Variants in FAM120B observed in about 807,000 individuals in gnomAD.
FAM120B encodes the protein family with sequence similarity 120 member B.
Under a neutral mutation model 96.3 loss-of-function variants are expected in FAM120B, and 83 were observed. That is an observed-to-expected ratio of 0.86 (90% CI 0.72 to 1.03). The LOEUF is 1.03. FAM120B is among the 50% of genes least tolerant of loss of function. The probability of loss-of-function intolerance (pLI) is 0.00; values close to 1 mark genes in which losing one functional copy is unlikely to be tolerated. For missense variants in FAM120B, 1,027 were observed against 1,121.2 expected (o/e 0.92, Z 1.20); for synonymous variants, 407 against 402.7 (o/e 1.01, Z -0.13).
chr6:170,368,718 C>G (rs1788959252), intron 6 of FAM120B, among the ~76,000 whole-genome samples: 1 of 151,864 alleles, frequency 6.6e-6, no homozygotes, highest in African/African-American at 2.4e-5. Context: ...TAACAAAACA[C>G]CACGGACTGG....
At chr6:170,394,678 G>A (rs1035723098) in intron 8 of FAM120B, among the ~76,000 whole-genome samples, 2 of 139,632 alleles carry the variant, frequency 1.4e-5, no homozygotes, top group Non-Finnish European at 1.6e-5. Flanking sequence ...CGTGGACACC[G>A]CAGCATGTCA....
chr6:170,356,545 T>C (rs1787964588), intron 5 of FAM120B, among the ~76,000 whole-genome samples: 1 of 152,170 alleles, frequency 6.6e-6, no homozygotes, highest in African/African-American at 2.4e-5. Flanking sequence ...TGTGTCTTGG[T>C]ATATGTGAGG....
intron 5 of FAM120B, among the ~76,000 whole-genome samples, chr6:170,352,493 C>T (rs368579943): frequency 6.6e-6 from 1 of 152,276 alleles, no homozygotes. Context: ...CATTGCTGCT[C>T]GGCACTTACT....
At position 170,370,520 on chromosome 6, in the gene FAM120B, C is replaced by T. The variant is rs901087030; in HGVS notation, c.2283+12202C>T. 3.9e-5 allele frequency among the ~76,000 whole-genome samples: 6 copies of T among 152,112 alleles called. No individual in the cohort carries two copies. Among genetic ancestry groups the T allele is most frequent in the African/African-American group, 1.4e-4 (6 of 41,396 alleles). Reference sequence around the variant, plus strand: ...AGTCGTGCTCTGGAAGATCTGAGTTCTTTGAAGTTCTTCTGGGGGTTAAAC... The same window carrying T: ...AGTCGTGCTCTGGAAGATCTGAGTTTTTTGAAGTTCTTCTGGGGGTTAAAC... On this transcript the variant is annotated intron_variant, in intron 6 of 10. Transcript: ENST00000476287. The surrounding 1 kb of genome is among the most constrained non-coding windows in gnomAD (Gnocchi z 4.3).
At chr6:170,346,806 C>G (rs1415080594) in intron 4 of FAM120B, among the ~76,000 whole-genome samples, 3 of 151,976 alleles carry the variant, frequency 2.0e-5, no homozygotes, top group Non-Finnish European at 1.5e-5. Flanking sequence ...TGTCCCGAGA[C>G]TGCACACGTT....
intron 3 of FAM120B, among the ~76,000 whole-genome samples, chr6:170,328,941 A>C (rs569742511): frequency 1.0e-3 from 159 of 152,252 alleles, no homozygotes; most frequent in Middle Eastern, 3.4e-3. Context: ...TTTACTTTAC[A>C]GCTAGCACAG....
intron 3 of FAM120B, among the ~76,000 whole-genome samples, chr6:170,325,701 C>T (rs1480158339): frequency 6.6e-6 from 1 of 151,914 alleles, no homozygotes; most frequent in Non-Finnish European, 1.5e-5. Flanking sequence ...ATTAGCTGGG[C>T]ATGATGGCAG....
upstream of FAM120B, chr6:170,290,890 C>T (rs1014479052): frequency 2.6e-5 from 18 of 689,926 alleles, no homozygotes; most frequent in African/African-American, 3.0e-4. The surrounding 1 kb of genome is among the most constrained non-coding windows in gnomAD (Gnocchi z 4.7). Context: ...GCTCTGCCCT[C>T]GGCCGGGTCG....
chr6:170,323,989 G>C, intron 3 of FAM120B, among the ~76,000 whole-genome samples: 1 of 152,108 alleles, frequency 6.6e-6, no homozygotes, highest in Non-Finnish European at 1.5e-5. Flanking sequence ...AGAGACCTTA[G>C]GTACTTTATG....
Position 170,361,223 on chromosome 6 carries a change from T to TACAC in FAM120B, c.2283+2906_2283+2907insCACA, listed in dbSNP as rs1562567031. ...GTATATATATATATATATATATATA[T>TACAC]ATATATATATATACACGTATATATA... is the stretch of plus-strand genomic sequence containing the variant. On this transcript the variant is annotated intron_variant, in intron 6 of 10. Coordinates refer to ENST00000476287, the MANE Select transcript of FAM120B (RefSeq NM_032448.3). 3.5e-4 allele frequency among the ~76,000 whole-genome samples: 37 copies of TACAC among 106,070 alleles called. 1 individual carries two copies. The East Asian group carries it at 0.015, about 43-fold the overall frequency. 69.6% of individuals were successfully genotyped at this position (106,070 alleles called of 152,430 possible).
At chr6:170,323,858 C>T (rs2115041858) in intron 3 of FAM120B, among the ~76,000 whole-genome samples, 1 of 152,288 alleles carries the variant, frequency 6.6e-6, no homozygotes, top group East Asian at 1.9e-4. Context: ...TCCCATAACT[C>T]ACCATTTGGA....
rs1366893039 is a variant in FAM120B, at chr6:170,317,921, G to C, written c.531G>C (p.Gly177=). The change falls in exon 2 of 11, where the codon GGG becomes GGC. Residue 177 remains glycine, a synonymous_variant. Transcript: ENST00000476287. ...GLQHNCLGIL[G]EDTDYLIYDT... ...AGCATAACTGTCTTGGGATTCTGGG[G>C]GAAGACACTGATTACCTAATCTATG... The C allele has an allele frequency of 6.2e-7, 1 of 1,614,192 alleles. No homozygotes were observed. The highest frequency in any genetic ancestry group is 8.5e-7 in the Non-Finnish European group (1 of 1,180,030).
intron 3 of FAM120B, among the ~76,000 whole-genome samples, chr6:170,324,846 A>C (rs1245788723): frequency 1.3e-5 from 2 of 152,226 alleles, no homozygotes; most frequent in Non-Finnish European, 2.9e-5. Flanking sequence ...AATGAAGTGT[A>C]TCCTATGTTA....
intron 4 of FAM120B, among the ~76,000 whole-genome samples, chr6:170,342,934 G>T (rs566021615): frequency 3.3e-5 from 5 of 152,184 alleles, no homozygotes; most frequent in African/African-American, 1.2e-4. Context: ...GATGGGTGTG[G>T]ATGGAGTCCT....
intron 4 of FAM120B, among the ~76,000 whole-genome samples, chr6:170,334,256 A>C (rs1034496399): frequency 4.6e-5 from 7 of 152,234 alleles, no homozygotes; most frequent in Non-Finnish European, 1.0e-4. Flanking sequence ...GTGGTGTTCA[A>C]CAATCAGAAA....
intron 5 of FAM120B, among the ~76,000 whole-genome samples, chr6:170,349,666 G>A (rs1266758167): frequency 1.3e-5 from 2 of 152,316 alleles, no homozygotes; most frequent in African/African-American, 4.8e-5. Flanking sequence ...ATAAATTAAT[G>A]TAGGATGGCA....
chr6:170,342,479 G>A (rs1296863755), intron 4 of FAM120B, among the ~76,000 whole-genome samples: 7 of 152,304 alleles, frequency 4.6e-5, no homozygotes, highest in Admixed American at 2.0e-4. Context: ...ATGGCTTAGC[G>A]TCCAGCATGC....
At chr6:170,388,208 A>T (rs1790299230) in intron 6 of FAM120B, 79 bp from the exon 7 acceptor site, 1 of 1,220,796 alleles carries the variant, frequency 8.2e-7, no homozygotes. Flanking sequence ...TGAGCAGAGT[A>T]ACTTTGCAGA....
Position 170,318,274 on chromosome 6 carries a change from C to T in FAM120B, c.884C>T (p.Ala295Val). 6.2e-7 allele frequency: 1 copy of T among 1,614,070 alleles called. No individual in the cohort carries two copies. The highest frequency in any genetic ancestry group is 1.7e-5 in the Admixed American group (1 of 60,010). Reference sequence around the variant, plus strand: ...ATATTACCTCTGGGACCAAACAAAGCTCTTTTTTATAAAGGAATGGCATCA... The same window carrying T: ...ATATTACCTCTGGGACCAAACAAAGTTCTTTTTTATAAAGGAATGGCATCA... ...EEILPLGPNK[A>V]LFYKGMASYL... Residue 295 changes from alanine to valine, a missense_variant, in exon 2 of 11, where the codon GCT becomes GTT. Physicochemically the swap from Ala to Val is moderately conservative, Grantham distance 64. Around this residue, in one of 3 missense-constraint regions of FAM120B, gnomAD observed 880 missense variants for 980.9 expected, o/e 0.90. Transcript: ENST00000476287.
Sources: gnomAD v4.1 joint callset for allele counts (sites outside exome capture counted in the v4.1 genomes callset) on GRCh38, gnomAD v4.1.1 for gene constraint, gnomAD v4.1.1 regional missense constraint, Gnocchi (gnomAD v3.1) non-coding constraint, MANE v1.5 for transcripts, NCBI Gene and HGNC (gene_info 2026-07-23, HGNC 2026-07-21) for gene names.